The following ZRANB3 variants were observed in gnomAD, a reference collection of about 807,000 sequenced individuals.
The protein encoded by ZRANB3 is zinc finger RANBP2-type containing 3, also known as DNA annealing helicase and endonuclease ZRANB3.
ZRANB3 carries 125 observed loss-of-function variants against 133.8 expected under a neutral mutation model. That is an observed-to-expected ratio of 0.93 (90% CI 0.81 to 1.08). The LOEUF is 1.08. Ranked by LOEUF, ZRANB3 falls within the 50% of genes least tolerant of loss-of-function variation. The pLI is 0.00. For missense variants in ZRANB3, 1,229 were observed against 1,275.5 expected, an observed-to-expected ratio of 0.96 and a Z score of 0.56; for synonymous variants, 387 against 432.7, an observed-to-expected ratio of 0.89 and a Z score of 1.31.
chr2:135,421,823 G>A (rs1441193876), intron 2 of ZRANB3, among the ~76,000 whole-genome samples: 1 of 148,332 alleles, frequency 6.7e-6, no homozygotes, highest in East Asian at 2.0e-4. Context: ...TTACTCTGTG[G>A]TTAATGTCTT....
rs531644662 is a variant in ZRANB3 at position 135,332,442 on chromosome 2, C to A, written c.677+13108G>T. Among the ~76,000 whole-genome samples, 6 of 152,254 alleles carry A rather than the reference C, an allele frequency of 3.9e-5. No homozygotes were observed. The South Asian group carries it at 1.0e-3, about 26-fold the overall frequency. On this transcript the variant is annotated intron_variant, in intron 6 of 20. Transcript: ENST00000264159. The stretch of plus-strand genomic sequence containing the variant: ...GTCTTATTCATCTTTGTATTGCCGG[C>A]AGCTCTGAAATAATGTCTTAAATAT...
At chr2:135,434,059 G>A (rs1689429221) in intron 2 of ZRANB3, among the ~76,000 whole-genome samples, 1 of 152,188 alleles carries the variant, frequency 6.6e-6, no homozygotes, top group Admixed American at 6.5e-5. Flanking sequence ...ATGCTCGGGA[G>A]GCTGAGGCAG....
chr2:135,475,487 T>C (rs1420620984), intron 2 of ZRANB3, among the ~76,000 whole-genome samples: 2 of 152,214 alleles, frequency 1.3e-5, no homozygotes, highest in African/African-American at 2.4e-5. Context: ...CTCAATTTCA[T>C]AGAGTTTTAA....
At chr2:135,340,897 C>T (rs1684621266) in intron 6 of ZRANB3, among the ~76,000 whole-genome samples, 1 of 149,994 alleles carries the variant, frequency 6.7e-6, no homozygotes, top group African/African-American at 2.5e-5. Context: ...GTCTTTTCAT[C>T]AAACAGGAGT....
intron 1 of ZRANB3, among the ~76,000 whole-genome samples, chr2:135,504,869 T>TAA (rs1230720741): frequency 2.0e-5 from 3 of 152,122 alleles, no homozygotes; most frequent in Non-Finnish European, 1.5e-5. Context: ...AATCCTTTAA[T>TAA]AATTCATCCT....
intron 6 of ZRANB3, among the ~76,000 whole-genome samples, chr2:135,341,468 T>C (rs1485185542): frequency 6.7e-6 from 1 of 150,084 alleles, no homozygotes; most frequent in East Asian, 1.9e-4. Context: ...GATCCTGTGA[T>C]GATTGCATTA....
rs1574259682 is a variant in ZRANB3, at chr2:135,527,211, T to G, written c.-8+3916A>C. Among the ~76,000 whole-genome samples, 3 of 152,298 alleles carry G rather than the reference T, an allele frequency of 2.0e-5. No homozygotes were observed. In the East Asian group the frequency reaches 5.8e-4, roughly 29 times the overall value. On this transcript the variant is annotated intron_variant, in intron 1 of 20. Coordinates refer to ENST00000264159, the MANE Select transcript of ZRANB3 (RefSeq NM_032143.4). ...TTGACTCTTTTTGTCGACAATCATC[T>G]GGCACCCACACATGGGGCCTCAGAG...
At chr2:135,254,544 C>T (rs746626396) in intron 12 of ZRANB3, among the ~76,000 whole-genome samples, 29 of 151,900 alleles carry the variant, frequency 1.9e-4, no homozygotes, top group Middle Eastern at 3.4e-3. Context: ...ACCTGGGAGG[C>T]GGAGGTTGCA....
intron 2 of ZRANB3, among the ~76,000 whole-genome samples, chr2:135,463,613 C>T (rs1026295901): frequency 1.3e-5 from 2 of 151,932 alleles, no homozygotes; most frequent in Admixed American, 6.6e-5. Context: ...GTCGGGGTTT[C>T]GCCATGTTGG....
intron 2 of ZRANB3, among the ~76,000 whole-genome samples, chr2:135,497,315 A>G (rs866700013): frequency 2.0e-5 from 3 of 152,342 alleles, no homozygotes; most frequent in South Asian, 4.1e-4. Flanking sequence ...TGAAAGATTT[A>G]TACTGCCTGA....
chr2:135,360,521 C>T (rs542822993), intron 3 of ZRANB3, among the ~76,000 whole-genome samples: 21 of 151,818 alleles, frequency 1.4e-4, no homozygotes, highest in South Asian at 1.0e-3. Flanking sequence ...CTGGCTAACA[C>T]GGTGAAACCC....
At position 135,315,065 on chromosome 2, in the gene ZRANB3, C is replaced by T. The variant is rs530219472; in HGVS notation, c.849+294G>A. ...ACAGGTATGAGCCACCGTGCCTGGC[C>T]GATATTTAGAATTCTTAATACTACA... On this transcript the variant is annotated intron_variant, in intron 7 of 20. Coordinates refer to ENST00000264159, the MANE Select transcript of ZRANB3 (RefSeq NM_032143.4). 9.5e-4 allele frequency among the ~76,000 whole-genome samples: 145 copies of T among 152,056 alleles called. 1 individual carries two copies. Among genetic ancestry groups the T allele is most frequent in the African/African-American group, 1.5e-3 (61 of 41,476 alleles).
intron 2 of ZRANB3, among the ~76,000 whole-genome samples, chr2:135,452,665 T>C (rs1393187309): frequency 1.3e-5 from 2 of 152,202 alleles, no homozygotes; most frequent in Non-Finnish European, 2.9e-5. Flanking sequence ...AGTCAAATTT[T>C]AAAGCTCCAA....
chr2:135,494,415 C>G (rs1215091918), intron 2 of ZRANB3, among the ~76,000 whole-genome samples: 1 of 151,676 alleles, frequency 6.6e-6, no homozygotes. Context: ...AAGGGGGGCT[C>G]TTCTTTACAA....
At chr2:135,244,283 C>A (rs1695686920) in intron 12 of ZRANB3, among the ~76,000 whole-genome samples, 1 of 151,982 alleles carries the variant, frequency 6.6e-6, no homozygotes, top group Non-Finnish European at 1.5e-5. Flanking sequence ...CCACCCTGGA[C>A]AACATATCAA....
chr2:135,205,647 C>G (rs953482166), intron 19 of ZRANB3, among the ~76,000 whole-genome samples: 2 of 152,058 alleles, frequency 1.3e-5, no homozygotes, highest in Non-Finnish European at 2.9e-5. Flanking sequence ...CAACGCCTGG[C>G]CTAGTTTGAA....
chr2:135,345,002 A>G (rs1352593089), intron 6 of ZRANB3: 1 of 152,394 alleles, frequency 6.6e-6, no homozygotes, highest in East Asian at 1.9e-4. Context: ...GCTGAGAGAC[A>G]AGAGTGGAAG....
chr2:135,449,475 C>A lies in ZRANB3; in HGVS notation c.161+54854G>T, dbSNP rs575810509. Reference sequence around the variant, plus strand: ...TCTCTACTAAAAATACAAAAATTAGCCAAGTGTGGTGGTGGGCACCTGTAA... The same window carrying A: ...TCTCTACTAAAAATACAAAAATTAGACAAGTGTGGTGGTGGGCACCTGTAA... On this transcript the variant is annotated intron_variant, in intron 2 of 20. Coordinates refer to ENST00000264159, the MANE Select transcript of ZRANB3 (RefSeq NM_032143.4). 4.6e-5 allele frequency among the ~76,000 whole-genome samples: 7 copies of A among 152,174 alleles called. No homozygotes were observed. The South Asian group carries it at 1.5e-3, about 32-fold the overall frequency.
intron 2 of ZRANB3, among the ~76,000 whole-genome samples, chr2:135,417,952 G>T (rs1339766182): frequency 6.6e-6 from 1 of 152,076 alleles, no homozygotes; most frequent in East Asian, 1.9e-4. Flanking sequence ...ACACTCCGGG[G>T]ACTGTTGTGG....
Sources: allele counts gnomAD v4.1 joint callset (sites outside exome capture counted in the v4.1 genomes callset), GRCh38; gene constraint gnomAD v4.1.1; transcripts MANE v1.5; gene names NCBI Gene and HGNC (gene_info 2026-07-23, HGNC 2026-07-21).